The following TXNDC5 variants were observed in gnomAD, a reference collection of about 807,000 sequenced individuals.
The protein encoded by TXNDC5 is thioredoxin domain-containing protein 5.
Under a neutral mutation model 52.6 loss-of-function variants are expected in TXNDC5, and 44 were observed. That is an observed-to-expected ratio of 0.84 (90% CI 0.66 to 1.08). The LOEUF (loss-of-function observed/expected upper bound fraction) is 1.08. Ranked by LOEUF, TXNDC5 falls within the 50% of genes least tolerant of loss-of-function variation. TXNDC5 has a pLI of 0.00. For missense variants in TXNDC5, 600 were observed against 565.5 expected, an observed-to-expected ratio of 1.06 and a Z score of -0.62; for synonymous variants, 241 against 234.4, an observed-to-expected ratio of 1.03 and a Z score of -0.26.
At position 7,889,638 on chromosome 6, in the gene TXNDC5, A is replaced by G. The variant is rs544444762; in HGVS notation, c.733-57T>C. On this transcript the variant is annotated intron_variant, in intron 5 of 9. Coordinates refer to ENST00000379757, the MANE Select transcript of TXNDC5 (RefSeq NM_030810.5). ...AGTTTCTTCATGAACCTTCTTGCTA[A>G]TGGGGCTACTGGACACTTTGTACGT... 1.2e-4 allele frequency: 159 copies of G among 1,359,788 alleles called. No homozygotes were observed. The African/African-American group carries it at 2.0e-3, about 17-fold the overall frequency. The allele number at this position is 1,359,788 out of a possible 1,614,324, so 84.2% of individuals were successfully genotyped here.
At chr6:7,885,533 C>T (rs1031083574) in intron 8 of TXNDC5, among the ~76,000 whole-genome samples, 2 of 152,186 alleles carry the variant, frequency 1.3e-5, no homozygotes, top group African/African-American at 4.8e-5. Context: ...CTGGATTTCT[C>T]TACAAAAGAA....
rs145133420 is a variant in TXNDC5, at chr6:7,899,676, T to G, written c.419A>C (p.Lys140Thr). The G allele has an allele frequency of 1.4e-4, 230 of 1,613,668 alleles. 1 individual carries two copies. The African/African-American group carries it at 2.9e-3, about 20-fold the overall frequency. The stretch of plus-strand genomic sequence containing the variant: ...AGCTTCTTGGCCTGGCTTGAAAAGC[T>G]TTAAGCTGAAAGAATAACAAAGGAT... ...AQGVRGYPTL[K>T]LFKPGQEAVK... Residue 140 changes from lysine (K) to threonine (T), a missense_variant, in exon 3 of 10, where the codon AAG becomes ACG. Lys to Thr is a moderately conservative substitution (Grantham distance 78, BLOSUM62 -1). Transcript: ENST00000379757.
At chr6:7,908,255 C>A (rs1760799542) in intron 1 of TXNDC5, among the ~76,000 whole-genome samples, 1 of 141,682 alleles carries the variant, frequency 7.1e-6, no homozygotes. Context: ...TGCACTCCAG[C>A]CTGGCAACAG....
intron 1 of TXNDC5, 41 bp downstream of exon 1, chr6:7,910,473 G>A: frequency 7.3e-7 from 1 of 1,371,340 alleles, no homozygotes; most frequent in Non-Finnish European, 9.5e-7. Context: ...GCCCCGCGAA[G>A]CGCCAAGTGC....
At chr6:7,902,582 C>T (rs904139875) in intron 2 of TXNDC5, among the ~76,000 whole-genome samples, 3 of 151,928 alleles carry the variant, frequency 2.0e-5, no homozygotes, top group Admixed American at 2.0e-4. Context: ...AGTCAAAGCT[C>T]GCTCAAGTCA....
intron 4 of TXNDC5, 21 bp downstream of exon 4, chr6:7,895,085 G>T (rs375439628): frequency 3.1e-6 from 5 of 1,610,416 alleles, no homozygotes; most frequent in Non-Finnish European, 4.2e-6. Flanking sequence ...TCTGAAGCTG[G>T]CATCAGGACG....
At chr6:7,888,931 C>T in intron 6 of TXNDC5, 83 bp from the exon 7 acceptor site, 1 of 1,502,230 alleles carries the variant, frequency 6.7e-7, no homozygotes, top group Non-Finnish European at 8.9e-7. Flanking sequence ...CCCTGCTTGC[C>T]CGGGTCAGAG....
In TXNDC5 at chr6:7,895,152, C is replaced by A; in HGVS notation, c.570G>T (p.Gly190=). 6.2e-7 allele frequency: 1 copy of A among 1,613,886 alleles called. No individual in the cohort carries two copies. The highest frequency in any genetic ancestry group is 1.1e-5 in the South Asian group (1 of 90,930). The change falls in exon 4 of 10, where the codon GGG becomes GGT. Residue 190 remains glycine (G), a synonymous_variant. Transcript: ENST00000379757. ...AGTTGCTTGCTGAGAGCTCATACAGCCCTTGCTTGAGCTCGGGGGCACTGG... is the reference window on the plus strand; with the variant it reads ...AGTTGCTTGCTGAGAGCTCATACAGACCTTGCTTGAGCTCGGGGGCACTGG... The part of the protein sequence containing the change: ...EPPSAPELKQ[G]LYELSASNFE...
intron 4 of TXNDC5, among the ~76,000 whole-genome samples, chr6:7,892,014 C>T (rs1760211145): frequency 6.6e-6 from 1 of 152,354 alleles, no homozygotes; most frequent in East Asian, 1.9e-4. Flanking sequence ...AGGCATTTCT[C>T]CCACCTCTCC....
chr6:7,884,889 A>G (rs1363488438), intron 8 of TXNDC5, among the ~76,000 whole-genome samples: 2 of 151,686 alleles, frequency 1.3e-5, no homozygotes, highest in East Asian at 3.9e-4. Flanking sequence ...TTGATTGCTT[A>G]TGGTCTCACA....
At chr6:7,894,983 T>C in intron 4 of TXNDC5, 123 bp downstream of exon 4, 1 of 1,460,084 alleles carries the variant, frequency 6.8e-7, no homozygotes. Context: ...TCCTCTAGAG[T>C]GACCCTTTGT....
At chr6:7,892,728 G>C (rs568126783) in intron 4 of TXNDC5, among the ~76,000 whole-genome samples, 1 of 152,366 alleles carries the variant, frequency 6.6e-6, no homozygotes, top group African/African-American at 2.4e-5. Flanking sequence ...TATAAGATGT[G>C]ACTTGCTCCT....
Position 7,910,671 on chromosome 6 carries a change from C to T in TXNDC5, c.106G>A (p.Ala36Thr), listed in dbSNP as rs766045863. ...GCCGCCGCCGCCTCCTGGGCCCGGG[C>T]GCCCCAGCGCCCGCCGCCGCCATGG... ...LGHGGGGRWGARAQEAAAAAA... is the reference protein window; with the variant it reads ...LGHGGGGRWGTRAQEAAAAAA... The change falls in exon 1 of 10, where the codon GCC becomes ACC. Residue 36 changes from alanine to threonine, a missense_variant. Transcript: ENST00000379757. 33 of 1,133,238 alleles carry T rather than the reference C, an allele frequency of 2.9e-5. No homozygotes were observed. In the South Asian group the frequency reaches 1.1e-3, roughly 36 times the overall value. The allele number at this position is 1,133,238 out of a possible 1,614,324, so 70.2% of individuals were successfully genotyped here.
At chr6:7,892,514 A>C (rs896871729) in intron 4 of TXNDC5, among the ~76,000 whole-genome samples, 2 of 152,230 alleles carry the variant, frequency 1.3e-5, no homozygotes, top group African/African-American at 4.8e-5. Flanking sequence ...CACATAAAGG[A>C]GTTGATATGG....
In TXNDC5 at chr6:7,906,549, A is replaced by AAC. The variant is rs1554129845; in HGVS notation, c.264-1827_264-1826insGT. Among the ~76,000 whole-genome samples, 49 of 150,288 alleles carry AAC rather than the reference A, an allele frequency of 3.3e-4. 1 individual carries two copies. The East Asian group carries it at 7.4e-3, about 23-fold the overall frequency. ...AGACTCCATCTCAAAAAAAAAAAAAAAAAAAAAAGAAAAACAGACTTAAAG... is the reference window on the plus strand; with the variant it reads ...AGACTCCATCTCAAAAAAAAAAAAAAACAAAAAAAAGAAAAACAGACTTAAAG... On this transcript the variant is annotated intron_variant, in intron 1 of 9. Transcript: ENST00000379757.
At chr6:7,907,912 C>A (rs1760788417) in intron 1 of TXNDC5, among the ~76,000 whole-genome samples, 1 of 152,158 alleles carries the variant, frequency 6.6e-6, no homozygotes, top group South Asian at 2.1e-4. Flanking sequence ...TCTGAAAGGG[C>A]CCTCTTAAAA....
chr6:7,906,563 A>AAC lies in TXNDC5; in HGVS notation c.264-1841_264-1840insGT, dbSNP rs1294037939. Among the ~76,000 whole-genome samples, 9 of 150,338 alleles carry AAC rather than the reference A, an allele frequency of 6.0e-5. No individual in the cohort carries two copies. The East Asian group carries it at 1.6e-3, about 26-fold the overall frequency. On this transcript the variant is annotated intron_variant, in intron 1 of 9. Coordinates refer to ENST00000379757, the MANE Select transcript of TXNDC5 (RefSeq NM_030810.5). ...AAAAAAAAAAAAAAAAAAAAGAAAA[A>AAC]CAGACTTAAAGGTAGCACTGAAAAA... is the stretch of plus-strand genomic sequence containing the variant.
chr6:7,901,529 T>C (rs928210801), intron 2 of TXNDC5, among the ~76,000 whole-genome samples: 1 of 152,252 alleles, frequency 6.6e-6, no homozygotes, highest in Non-Finnish European at 1.5e-5. Flanking sequence ...ATAATCGTTC[T>C]AACCTGCCCA....
rs148061709 is a variant in TXNDC5 at position 7,910,600 on chromosome 6, G to A, written c.177C>T (p.Asp59=). 67 of 1,391,614 alleles carry A rather than the reference G, an allele frequency of 4.8e-5. No homozygotes were observed. In the African/African-American group the frequency reaches 9.4e-4, roughly 20 times the overall value. The allele number at this position is 1,391,614 out of a possible 1,614,324, so 86.2% of individuals were successfully genotyped here. ...CCGTGTACAGGTGCTTGCTGTGCGG[G>A]TCCTGTCCGTCCTCGCCGTCTGCCG... ...PPAADGEDGQ[D]PHSKHLYTAD... is the part of the protein sequence containing the mutation. Residue 59 remains aspartate, a synonymous_variant, in exon 1 of 10, where the codon GAC becomes GAT. Transcript: ENST00000379757.
Sources: gnomAD v4.1 joint callset for allele counts (sites outside exome capture counted in the v4.1 genomes callset) on GRCh38, gnomAD v4.1.1 for gene constraint, MANE v1.5 for transcripts, NCBI Gene and HGNC (gene_info 2026-07-23, HGNC 2026-07-21) for gene names.